The following CACNA1D variants were observed in gnomAD, a reference collection of about 807,000 sequenced individuals.
The protein encoded by CACNA1D is voltage-dependent L-type calcium channel subunit alpha-1D.
A neutral mutation model predicts 257.1 loss-of-function variants in CACNA1D; 55 were observed. The ratio of observed to expected loss-of-function variants is 0.21; its 90% CI spans 0.17 to 0.27. The LOEUF is 0.27. Ranked by LOEUF, CACNA1D falls within the 10% of genes least tolerant of loss-of-function variation. The pLI, the probability that CACNA1D is intolerant of heterozygous loss-of-function variation, is 1.00. For missense variants in CACNA1D, 1,876 were observed against 2,784.0 expected, an observed-to-expected ratio of 0.67 and a Z score of 7.34; for synonymous variants, 980 against 1,014.9, an observed-to-expected ratio of 0.97 and a Z score of 0.65.
chr3:53,783,993 G>C (rs1302586438), intron 39 of CACNA1D, among the ~76,000 whole-genome samples: 1 of 152,212 alleles, frequency 6.6e-6, no homozygotes, highest in East Asian at 1.9e-4. Flanking sequence ...CCTGGTGATA[G>C]AACTGAGTCA....
intron 4 of CACNA1D, among the ~76,000 whole-genome samples, chr3:53,654,688 A>G (rs2094131576): frequency 6.6e-6 from 1 of 152,184 alleles, no homozygotes; most frequent in South Asian, 2.1e-4. Flanking sequence ...GCTATTTGGT[A>G]TTATAATGGC....
chr3:53,719,066 C>T (rs929504835), intron 10 of CACNA1D, among the ~76,000 whole-genome samples: 1 of 152,122 alleles, frequency 6.6e-6, no homozygotes, highest in African/African-American at 2.4e-5. Flanking sequence ...ATGTGCTGGG[C>T]ACTGTCTGCC....
At chr3:53,665,327 A>ATATTGCTCCAAGC (rs1179663567) in intron 5 of CACNA1D, among the ~76,000 whole-genome samples, 1 of 152,202 alleles carries the variant, frequency 6.6e-6, no homozygotes, top group Admixed American at 6.5e-5. Flanking sequence ...CAAAGCACCA[A>ATATTGCTCCAAGC]ACCTTATGAT....
chr3:53,583,615 G>A (rs774360577), intron 3 of CACNA1D, among the ~76,000 whole-genome samples: 1 of 152,160 alleles, frequency 6.6e-6, no homozygotes, highest in South Asian at 2.1e-4. Context: ...GCAGAACCAC[G>A]AGGTGGGACT....
At chr3:53,518,856 A>G (rs1181899201) in intron 3 of CACNA1D, among the ~76,000 whole-genome samples, 1 of 152,198 alleles carries the variant, frequency 6.6e-6, no homozygotes, top group Non-Finnish European at 1.5e-5. Flanking sequence ...CCAGCTTCCC[A>G]AGCTTACTAC....
chr3:53,554,822 G>C (rs973529373), intron 3 of CACNA1D, among the ~76,000 whole-genome samples: 6 of 152,134 alleles, frequency 3.9e-5, no homozygotes, highest in Non-Finnish European at 8.8e-5. Context: ...CCTAAAGCTG[G>C]TTAAGTTCTT....
At position 53,702,762 on chromosome 3, in the gene CACNA1D, A is replaced by G. The variant is rs2108590982; in HGVS notation, c.1342A>G (p.Ile448Val). The G allele has an allele frequency of 6.2e-7, 1 of 1,614,244 alleles. No homozygotes were observed. The highest frequency in any genetic ancestry group is 2.2e-5 in the East Asian group (1 of 44,884). ...GGATTGGATCACCCAAGCTGAGGAC[A>G]TCGATCCGGAGAATGAGGAAGAAGG... ...YLDWITQAED[I>V]DPENEEEGGE... The change falls in exon 9 of 48, where the codon ATC (isoleucine) becomes GTC (valine). Residue 448 changes from isoleucine (I) to valine (V), a missense_variant. By Grantham distance (29) the Ile-to-Val change is conservative. Around this residue, in one of 10 missense-constraint regions of CACNA1D, gnomAD observed 188 missense variants for 390.4 expected, o/e 0.48. Transcript: ENST00000350061.
intron 8 of CACNA1D, among the ~76,000 whole-genome samples, chr3:53,682,553 T>C (rs1256098527): frequency 7.7e-6 from 1 of 130,624 alleles, no homozygotes; most frequent in Non-Finnish European, 1.6e-5. Context: ...TGAGACCCTG[T>C]CTTAAAAAAA....
rs1042358908 is a variant in CACNA1D, at chr3:53,650,802, G to A, written c.507G>A (p.Leu169=). ...AGGAAAAAGTAGAATATGCCTTCCTGATTATTTTTACAGTCGAGACATTTT... is the reference window on the plus strand; with the variant it reads ...AGGAAAAAGTAGAATATGCCTTCCTAATTATTTTTACAGTCGAGACATTTT... ...HNLEKVEYAF[L]IIFTVETFLK... Residue 169 remains leucine (L), a synonymous_variant, in exon 4 of 48, where the codon CTG becomes CTA. Transcript: ENST00000350061. The A allele has an allele frequency of 1.2e-6, 2 of 1,613,830 alleles. No individual in the cohort carries two copies. Among genetic ancestry groups the A allele is most frequent in the Non-Finnish European group, 1.7e-6 (2 of 1,179,926 alleles).
chr3:53,772,125 G>A (rs999887005), intron 32 of CACNA1D, among the ~76,000 whole-genome samples: 21 of 152,200 alleles, frequency 1.4e-4, no homozygotes, highest in African/African-American at 4.3e-4. Flanking sequence ...GTGAAAGGAC[G>A]GGGGATCTGT....
chr3:53,608,926 T>C (rs965525531), intron 3 of CACNA1D, among the ~76,000 whole-genome samples: 1 of 152,216 alleles, frequency 6.6e-6, no homozygotes, highest in African/African-American at 2.4e-5. Context: ...ATGAGGGATA[T>C]TGGTTTATAG....
At chr3:53,557,758 C>T (rs1179794041) in intron 3 of CACNA1D, among the ~76,000 whole-genome samples, 1 of 152,176 alleles carries the variant, frequency 6.6e-6, no homozygotes, top group Non-Finnish European at 1.5e-5. Flanking sequence ...GTTTTGATTA[C>T]TACAGATTTA....
At chr3:53,724,923 G>T (rs11130380) in intron 14 of CACNA1D, among the ~76,000 whole-genome samples, 89,484 of 151,532 alleles carry the variant, frequency 0.59, 27,500 homozygotes, top group East Asian at 0.89. Context: ...CCATAGTATT[G>T]TTGTTTGAAT....
At position 53,747,466 on chromosome 3, in the gene CACNA1D, A is replaced by G; in HGVS notation, c.3314+18A>G. On this transcript the variant is annotated intron_variant, in intron 26 of 47. Coordinates refer to ENST00000350061, the MANE Select transcript of CACNA1D (RefSeq NM_001128840.3). The stretch of plus-strand genomic sequence containing the variant: ...TGGCCTGCGTAAGTACAGGGAGCAC[A>G]CAGTCTTCTGGAGAGGCACCTGCGT... 6.2e-7 allele frequency: 1 copy of G among 1,613,846 alleles called. No individual in the cohort carries two copies. Among genetic ancestry groups the G allele is most frequent in the Non-Finnish European group, 8.5e-7 (1 of 1,179,812 alleles).
intron 3 of CACNA1D, among the ~76,000 whole-genome samples, chr3:53,510,716 G>C (rs2091070065): frequency 6.6e-6 from 1 of 152,168 alleles, no homozygotes; most frequent in Non-Finnish European, 1.5e-5. Context: ...TCTGCAGAGT[G>C]ACCTCATGTG....
intron 4 of CACNA1D, among the ~76,000 whole-genome samples, chr3:53,659,009 G>T (rs2094176216): frequency 6.6e-6 from 1 of 152,186 alleles, no homozygotes; most frequent in African/African-American, 2.4e-5. Context: ...CACGCCAGTG[G>T]GGGCAGTTTC....
At chr3:53,809,931 G>C in intron 46 of CACNA1D, 47 bp from the exon 47 acceptor site, 1 of 1,574,754 alleles carries the variant, frequency 6.4e-7, no homozygotes, top group African/African-American at 1.3e-5. Context: ...TTTGAGGCCC[G>C]GACCTCTGAG....
intron 3 of CACNA1D, among the ~76,000 whole-genome samples, chr3:53,533,419 G>A (rs1203970140): frequency 2.6e-5 from 4 of 152,138 alleles, no homozygotes; most frequent in Admixed American, 1.3e-4. Flanking sequence ...ATAGATTTTT[G>A]TATTCTCTTG....
At chr3:53,809,834 A>G (rs2095586860) in intron 46 of CACNA1D, 144 bp from the exon 47 acceptor site, 2 of 764,512 alleles carry the variant, frequency 2.6e-6, no homozygotes, top group Non-Finnish European at 4.8e-6. Flanking sequence ...CATTCAGCGT[A>G]CTTCAGTGTG....
Sources: allele counts gnomAD v4.1 joint callset (sites outside exome capture counted in the v4.1 genomes callset), GRCh38; gene constraint gnomAD v4.1.1; regional missense constraint gnomAD v4.1.1; transcripts MANE v1.5; gene names NCBI Gene and HGNC (gene_info 2026-07-23, HGNC 2026-07-21).